Variants in IBTK observed in about 807,000 individuals in gnomAD.
IBTK encodes inhibitor of Bruton tyrosine kinase.
In IBTK, 83 loss-of-function variants were observed where a neutral mutation model predicts 154.9. That is an observed-to-expected ratio of 0.54 (90% CI 0.45 to 0.64). The LOEUF (loss-of-function observed/expected upper bound fraction) is 0.64. Ranked by LOEUF, IBTK falls within the 30% of genes least tolerant of loss-of-function variation. The probability of loss-of-function intolerance (pLI) is 0.00; values close to 1 mark genes in which losing one functional copy is unlikely to be tolerated. For missense variants in IBTK, 1,332 were observed against 1,584.6 expected, an observed-to-expected ratio of 0.84 and a Z score of 2.71; for synonymous variants, 515 against 536.1, an observed-to-expected ratio of 0.96 and a Z score of 0.54.
chr6:82,192,441 A>C (rs902260830), intron 23 of IBTK, among the ~76,000 whole-genome samples: 1 of 152,182 alleles, frequency 6.6e-6, no homozygotes, highest in African/African-American at 2.4e-5. Context: ...AAAATTCTAC[A>C]ATCATTAGAA....
chr6:82,186,967 G>A (rs996631347), intron 25 of IBTK, among the ~76,000 whole-genome samples: 5 of 142,498 alleles, frequency 3.5e-5, no homozygotes, highest in Non-Finnish European at 6.0e-5. Context: ...CCAGGCTGGA[G>A]TGTGGTGGCA....
rs770204297 is a variant in IBTK at position 82,234,243 on chromosome 6, G to A, written c.334C>T (p.Leu112=). Residue 112 remains leucine, a synonymous_variant, in exon 3 of 29, where the codon CTG becomes TTG. Transcript: ENST00000306270. ...VWSLLKHGVS[L]YIQDKEGLSA... ...AAGCCTTCTTTATCTTGAATATACA[G>A]ACTAACACCATGCTAAAACAAACAA... The A allele has an allele frequency of 1.3e-6, 2 of 1,540,460 alleles. No individual in the cohort carries two copies. Among genetic ancestry groups the A allele is most frequent in the South Asian group, 2.5e-5 (2 of 81,418 alleles).
chr6:82,223,321 C>T, intron 8 of IBTK, 119 bp downstream of exon 8: 1 of 729,394 alleles, frequency 1.4e-6, no homozygotes, highest in Non-Finnish European at 2.0e-6. Context: ...GATGTTTTTC[C>T]TCATTCAATT....
At chr6:82,245,979 T>C (rs1771128387) in intron 1 of IBTK, among the ~76,000 whole-genome samples, 1 of 152,180 alleles carries the variant, frequency 6.6e-6, no homozygotes, top group African/African-American at 2.4e-5. Context: ...GTTTTATACA[T>C]TATACACAGT....
At chr6:82,244,658 T>C (rs966601726) in intron 1 of IBTK, among the ~76,000 whole-genome samples, 1 of 152,214 alleles carries the variant, frequency 6.6e-6, no homozygotes, top group Non-Finnish European at 1.5e-5. Flanking sequence ...GCTCACATAT[T>C]TGCCCTAAAC....
At chr6:82,200,792 G>A (rs1450985494) in intron 19 of IBTK, 84 bp from the exon 20 acceptor site, 13 of 1,352,908 alleles carry the variant, frequency 9.6e-6, no homozygotes, top group African/African-American at 1.7e-5. Context: ...GTGCACACGT[G>A]GCTCTTGCCA....
chr6:82,218,222 T>A, intron 9 of IBTK, 85 bp from the exon 10 acceptor site: 1 of 955,982 alleles, frequency 1.0e-6, no homozygotes, highest in Non-Finnish European at 1.4e-6. Flanking sequence ...CAAGAGACAA[T>A]GCTGTTAAAA....
chr6:82,185,184 G>GAAAA (rs1196015823), intron 25 of IBTK, among the ~76,000 whole-genome samples: 3 of 37,792 alleles, frequency 7.9e-5, no homozygotes, highest in South Asian at 9.3e-4. Context: ...CTCTGTCTCA[G>GAAAA]AAAAAAAAAA....
At chr6:82,231,578 A>G (rs1770504170) in intron 4 of IBTK, 140 bp downstream of exon 4, 1 of 554,472 alleles carries the variant, frequency 1.8e-6, no homozygotes, top group Non-Finnish European at 3.0e-6. Context: ...TAAAATTAGC[A>G]AAGTTCTATT....
intron 16 of IBTK, chr6:82,210,385 G>C (rs1769587764): frequency 6.6e-6 from 1 of 151,218 alleles, no homozygotes. Context: ...TTGTACAGGG[G>C]CCATGTAATC....
intron 8 of IBTK, among the ~76,000 whole-genome samples, chr6:82,220,937 T>TAC (rs57358110): frequency 0.18 from 23,722 of 129,936 alleles, 2,412 homozygotes; most frequent in Non-Finnish European, 0.23. Context: ...TGACTTTACC[T>TAC]ACACACACAC....
intron 25 of IBTK, among the ~76,000 whole-genome samples, chr6:82,189,623 T>G (rs912463692): frequency 1.3e-5 from 2 of 151,806 alleles, no homozygotes; most frequent in Non-Finnish European, 2.9e-5. Flanking sequence ...TTAAAGAAAA[T>G]CTCAAGATGA....
chr6:82,206,615 T>C (rs1769423033), intron 16 of IBTK, among the ~76,000 whole-genome samples: 1 of 152,158 alleles, frequency 6.6e-6, no homozygotes, highest in South Asian at 2.1e-4. Flanking sequence ...GCCAATATTA[T>C]GCTGATTCTA....
chr6:82,236,586 C>A (rs565234312), intron 2 of IBTK, among the ~76,000 whole-genome samples: 1 of 152,286 alleles, frequency 6.6e-6, no homozygotes, highest in South Asian at 2.1e-4. Context: ...GTCTCTATTC[C>A]AGCTTTTTGT....
At chr6:82,191,739 G>A (rs965108653) in intron 24 of IBTK, 48 bp downstream of exon 24, 11 of 1,120,194 alleles carry the variant, frequency 9.8e-6, no homozygotes, top group Non-Finnish European at 1.5e-5. Flanking sequence ...CCAATTCTTA[G>A]GGCAGAAATA....
Position 82,201,428 on chromosome 6 carries a change from C to T in IBTK, c.2784G>A (p.Arg928=), listed in dbSNP as rs770884105. The part of the protein sequence containing the change: ...GVLKDLSEFY[R]KMIPAMDRRV... ...CTTAAAACATAAACCTTACCATTTT[C>T]CGGTAAAACTCAGAAAGATCCTTCA... Residue 928 remains arginine (R), a synonymous_variant, in exon 19 of 29, where the codon CGG becomes CGA. Coordinates refer to ENST00000306270, the MANE Select transcript of IBTK (RefSeq NM_015525.4). 4.0e-5 allele frequency: 65 copies of T among 1,607,472 alleles called. No homozygotes were observed. In the East Asian group the frequency reaches 8.8e-4, roughly 22 times the overall value.
intron 6 of IBTK, 60 bp from the exon 7 acceptor site, chr6:82,224,245 T>C: frequency 8.2e-7 from 1 of 1,220,956 alleles, no homozygotes; most frequent in Admixed American, 1.7e-5. Context: ...TACAATTTTT[T>C]AAAGATCCAG....
At position 82,200,253 on chromosome 6, in the gene IBTK, C is replaced by A; in HGVS notation, c.2913G>T (p.Ser971=). 6.2e-7 allele frequency: 1 copy of A among 1,605,396 alleles called. No homozygotes were observed. The change falls in exon 21 of 29, where the codon TCG becomes TCT. Residue 971 remains serine (S), a splice_region_variant and synonymous_variant. Coordinates refer to ENST00000306270, the MANE Select transcript of IBTK (RefSeq NM_015525.4). ...TTTTTGCTTTCTTGAACATAGTTTCCCTAGGAAAAAGCAAACATAATTTCA... is the reference window on the plus strand; with the variant it reads ...TTTTTGCTTTCTTGAACATAGTTTCACTAGGAAAAAGCAAACATAATTTCA... ...KEEINMEQNH[S]ETMFKKAKTK... is the part of the protein sequence containing the mutation.
chr6:82,190,368 C>G (rs1287199312), intron 25 of IBTK, among the ~76,000 whole-genome samples: 2 of 152,090 alleles, frequency 1.3e-5, no homozygotes, highest in Non-Finnish European at 2.9e-5. Flanking sequence ...GAGAGTTCTA[C>G]TGATTTCTTC....
Sources: gnomAD v4.1 joint callset for allele counts (sites outside exome capture counted in the v4.1 genomes callset) on GRCh38, gnomAD v4.1.1 for gene constraint, MANE v1.5 for transcripts, NCBI Gene and HGNC (gene_info 2026-07-23, HGNC 2026-07-21) for gene names.